Variants in RGL1 observed in about 807,000 individuals in gnomAD.
The protein encoded by RGL1 is ral guanine nucleotide dissociation stimulator-like 1.
Under a neutral mutation model 95.2 loss-of-function variants are expected in RGL1, and 24 were observed. That is an observed-to-expected ratio of 0.25 (90% CI 0.18 to 0.35). The LOEUF is 0.35. Ranked by LOEUF, RGL1 falls within the 10% of genes least tolerant of loss-of-function variation. The pLI is 1.00. For synonymous variants in RGL1, 329 were observed against 344.9 expected (o/e 0.95, Z 0.51); for missense variants, 715 against 936.3 (o/e 0.76, Z 3.08).
chr1:183,638,011 T>C (rs560918157), intron 1 of RGL1, among the ~76,000 whole-genome samples: 5 of 152,198 alleles, frequency 3.3e-5, no homozygotes, highest in South Asian at 2.1e-4. Flanking sequence ...AGATTTTTCT[T>C]TGAAGAGAAA....
intron 2 of RGL1, among the ~76,000 whole-genome samples, chr1:183,826,199 G>A (rs549685039): frequency 1.3e-5 from 2 of 151,768 alleles, no homozygotes; most frequent in East Asian, 1.9e-4. Context: ...GACTACAGGC[G>A]CCCACCACCA....
At chr1:183,766,553 T>C (rs1392477157) in intron 2 of RGL1, among the ~76,000 whole-genome samples, 2 of 152,208 alleles carry the variant, frequency 1.3e-5, no homozygotes, top group African/African-American at 2.4e-5. Flanking sequence ...ATTGACTAAA[T>C]TGAATTACCT....
intron 5 of RGL1, among the ~76,000 whole-genome samples, chr1:183,882,989 T>G (rs1251423900): frequency 1.3e-5 from 2 of 152,030 alleles, no homozygotes; most frequent in African/African-American, 4.8e-5. Context: ...GGGGCTGAGG[T>G]TGGGAAACAA....
At chr1:183,750,575 C>G (rs1657926977) in intron 2 of RGL1, among the ~76,000 whole-genome samples, 1 of 152,148 alleles carries the variant, frequency 6.6e-6, no homozygotes, top group Non-Finnish European at 1.5e-5. Context: ...TCATTAAACT[C>G]ATTCTCCATC....
chr1:183,816,541 C>T (rs1003779026), intron 2 of RGL1, among the ~76,000 whole-genome samples: 1 of 152,210 alleles, frequency 6.6e-6, no homozygotes, highest in African/African-American at 2.4e-5. Flanking sequence ...TCCATTTCCT[C>T]ACCTGTGAAA....
intron 2 of RGL1, among the ~76,000 whole-genome samples, chr1:183,797,665 G>GGACTGGTCATCTTTAACCAAACAT (rs1452011070): frequency 6.6e-6 from 1 of 152,184 alleles, no homozygotes; most frequent in Non-Finnish European, 1.5e-5. Flanking sequence ...AGTTTTCAGA[G>GGACTGGTCATCTTTAACCAAACAT]GACTGGTCAT....
chr1:183,897,173 A>G (rs1166874163), intron 9 of RGL1, among the ~76,000 whole-genome samples: 1 of 152,182 alleles, frequency 6.6e-6, no homozygotes, highest in Non-Finnish European at 1.5e-5. Flanking sequence ...GTCTTCATTT[A>G]TGAGAATTGC....
At chr1:183,800,742 G>A (rs905337327), upstream of RGL1, among the ~76,000 whole-genome samples, 2 of 152,112 alleles carry the variant, frequency 1.3e-5, no homozygotes, top group Admixed American at 6.5e-5. Flanking sequence ...ATATAAGTGG[G>A]ATCATGTAGT....
chr1:183,649,723 A>C (rs1167590402), intron 1 of RGL1, among the ~76,000 whole-genome samples: 1 of 152,252 alleles, frequency 6.6e-6, no homozygotes, highest in Non-Finnish European at 1.5e-5. Flanking sequence ...TGGGATGTTA[A>C]ACTCAAAAAG....
At chr1:183,843,109 A>G (rs752315737) in intron 2 of RGL1, among the ~76,000 whole-genome samples, 3 of 152,226 alleles carry the variant, frequency 2.0e-5, no homozygotes, top group Non-Finnish European at 4.4e-5. Flanking sequence ...AGGTATTAGG[A>G]TATTTAGCAG....
intron 2 of RGL1, among the ~76,000 whole-genome samples, chr1:183,828,440 G>T (rs927549945): frequency 2.0e-5 from 3 of 152,178 alleles, no homozygotes; most frequent in Non-Finnish European, 4.4e-5. Context: ...TGGAGTGGGG[G>T]TAGAGGGCAG....
chr1:183,917,496 C>T (rs1669048935), intron 16 of RGL1, among the ~76,000 whole-genome samples: 1 of 152,242 alleles, frequency 6.6e-6, no homozygotes, highest in Non-Finnish European at 1.5e-5. Context: ...CTCTCCTCAT[C>T]TTTATCACTC....
upstream of RGL1, among the ~76,000 whole-genome samples, chr1:183,801,703 C>A (rs1358420736): frequency 6.6e-6 from 1 of 152,172 alleles, no homozygotes; most frequent in South Asian, 2.1e-4. Flanking sequence ...AAGCTGTACA[C>A]AAGAAGCATG....
At chr1:183,663,332 C>T (rs1441983168) in intron 1 of RGL1, among the ~76,000 whole-genome samples, 3 of 151,430 alleles carry the variant, frequency 2.0e-5, no homozygotes, top group Non-Finnish European at 4.4e-5. Flanking sequence ...GGGCTAATAT[C>T]CAGAATCTAC....
In RGL1 at chr1:183,748,242, G is replaced by A. The variant is rs1558185925; in HGVS notation, c.132+5953G>A. Among the ~76,000 whole-genome samples the A allele has an allele frequency of 3.3e-5, 5 of 151,940 alleles. No individual in the cohort carries two copies. The South Asian group carries it at 1.0e-3, about 32-fold the overall frequency. ...TTCGTCTTTATTAGTCTGGCTAGTG[G>A]TCTATCTATTTTGCTAATCTTTTCA... On this transcript the variant is annotated intron_variant, in intron 2 of 18. Coordinates refer to the RGL1 transcript ENST00000304685.
chr1:183,890,890 A>G (rs1282182430), intron 8 of RGL1, among the ~76,000 whole-genome samples: 1 of 152,124 alleles, frequency 6.6e-6, no homozygotes, highest in African/African-American at 2.4e-5. Context: ...AAAGTTGATT[A>G]TGGGGATGAC....
intron 2 of RGL1, among the ~76,000 whole-genome samples, chr1:183,826,434 A>G (rs1388621813): frequency 1.3e-5 from 2 of 152,112 alleles, no homozygotes; most frequent in Non-Finnish European, 2.9e-5. Flanking sequence ...TGCTTCGTAC[A>G]TTAGAATGTA....
chr1:183,922,180 G>T (rs763746482), intron 16 of RGL1, 42 bp from the exon 17 acceptor site: 1 of 1,532,196 alleles, frequency 6.5e-7, no homozygotes, highest in Non-Finnish European at 9.0e-7. Flanking sequence ...CTCAGGAAAC[G>T]TGAAGCTAAG....
At chr1:183,829,247 C>G (rs1267992834) in intron 2 of RGL1, among the ~76,000 whole-genome samples, 3 of 151,888 alleles carry the variant, frequency 2.0e-5, no homozygotes, top group African/African-American at 7.3e-5. Flanking sequence ...ATGAGTCTAC[C>G]TGGGCAATAT....
Sources: allele counts gnomAD v4.1 joint callset (sites outside exome capture counted in the v4.1 genomes callset), GRCh38; gene constraint gnomAD v4.1.1; transcripts MANE v1.5; gene names NCBI Gene and HGNC (gene_info 2026-07-23, HGNC 2026-07-21).